The following PPP1R16B variants were observed in gnomAD, a reference collection of about 807,000 sequenced individuals.
The protein encoded by PPP1R16B is protein phosphatase 1 regulatory subunit 16B.
PPP1R16B carries 14 observed loss-of-function variants against 61.7 expected under a neutral mutation model. The observed-to-expected ratio is 0.23, with a 90% CI of 0.15 to 0.35. The LOEUF is 0.35. PPP1R16B is among the 10% of genes least tolerant of loss of function. The probability of loss-of-function intolerance (pLI) is 1.00; values close to 1 mark genes in which losing one functional copy is unlikely to be tolerated. For missense variants in PPP1R16B, 547 were observed against 752.5 expected, an observed-to-expected ratio of 0.73 and a Z score of 3.19; for synonymous variants, 266 against 305.3, an observed-to-expected ratio of 0.87 and a Z score of 1.34.
At chr20:38,848,239 G>A (rs1178375027) in intron 2 of PPP1R16B, among the ~76,000 whole-genome samples, 1 of 151,932 alleles carries the variant, frequency 6.6e-6, no homozygotes. Context: ...TTTCTTCTAG[G>A]GTTTTTTGGC....
At chr20:38,866,950 C>T (rs564890853) in intron 2 of PPP1R16B, among the ~76,000 whole-genome samples, 172 of 152,278 alleles carry the variant, frequency 1.1e-3, no homozygotes, top group Admixed American at 3.7e-3. Context: ...CCCTGGCAGC[C>T]GCTAATCTAC....
intron 10 of PPP1R16B, among the ~76,000 whole-genome samples, chr20:38,908,532 A>G (rs2085464903): frequency 6.6e-6 from 1 of 152,234 alleles, no homozygotes; most frequent in Admixed American, 6.5e-5. Flanking sequence ...ACTTCCAAGG[A>G]GAGAGCTTCA....
intron 2 of PPP1R16B, among the ~76,000 whole-genome samples, chr20:38,874,087 C>T (rs73905695): frequency 1.2e-3 from 176 of 152,304 alleles, no homozygotes; most frequent in African/African-American, 4.2e-3. Context: ...ATTGGTGACA[C>T]ATTAGCCCTG....
intron 2 of PPP1R16B, among the ~76,000 whole-genome samples, chr20:38,884,385 G>A (rs1377828380): frequency 6.6e-6 from 1 of 152,206 alleles, no homozygotes; most frequent in African/African-American, 2.4e-5. Context: ...TTGAAGACCA[G>A]GGGTCTGCAA....
intron 1 of PPP1R16B, among the ~76,000 whole-genome samples, chr20:38,829,843 T>C (rs2084826302): frequency 6.6e-6 from 1 of 152,182 alleles, no homozygotes; most frequent in African/African-American, 2.4e-5. Context: ...TGGGGGAAAC[T>C]AGGTCACCTG....
intron 4 of PPP1R16B, among the ~76,000 whole-genome samples, chr20:38,895,980 CTCCT>C (rs2085339026): frequency 8.5e-6 from 1 of 117,706 alleles, no homozygotes; most frequent in African/African-American, 4.1e-5. Flanking sequence ...CCCTCCCTCC[CTCCT>C]TCCTTCTTTC....
At chr20:38,856,182 T>C (rs2085007934) in intron 2 of PPP1R16B, among the ~76,000 whole-genome samples, 1 of 151,526 alleles carries the variant, frequency 6.6e-6, no homozygotes, top group Non-Finnish European at 1.5e-5. Context: ...TGATGGGAAG[T>C]AGCTGGGGCA....
chr20:38,852,624 G>GGA (rs2084976361), intron 2 of PPP1R16B, among the ~76,000 whole-genome samples: 1 of 152,066 alleles, frequency 6.6e-6, no homozygotes, highest in Non-Finnish European at 1.5e-5. Flanking sequence ...CTTGTCAGGT[G>GGA]CTCAATGGAG....
intron 2 of PPP1R16B, among the ~76,000 whole-genome samples, chr20:38,871,577 A>ATCTCG (rs2085129307): frequency 7.7e-6 from 1 of 129,194 alleles, no homozygotes; most frequent in Non-Finnish European, 1.6e-5. Flanking sequence ...AGTAAGGAAG[A>ATCTCG]GAGGAACGAA....
intron 1 of PPP1R16B, among the ~76,000 whole-genome samples, chr20:38,826,847 G>T: frequency 6.6e-6 from 1 of 152,240 alleles, no homozygotes; most frequent in Non-Finnish European, 1.5e-5. Context: ...TCATGCCATG[G>T]CTGGACTTTG....
chr20:38,850,887 GA>G (rs1250962186), intron 2 of PPP1R16B, among the ~76,000 whole-genome samples: 1 of 150,658 alleles, frequency 6.6e-6, no homozygotes, highest in African/African-American at 2.4e-5. Flanking sequence ...AGAATTGCTT[GA>G]ACACGGGAGG....
At chr20:38,872,477 A>G (rs2085136914) in intron 2 of PPP1R16B, among the ~76,000 whole-genome samples, 1 of 152,192 alleles carries the variant, frequency 6.6e-6, no homozygotes, top group South Asian at 2.1e-4. Flanking sequence ...AGGAAGCTGG[A>G]GACACCATTC....
chr20:38,878,656 G>A (rs1392811672), intron 2 of PPP1R16B, among the ~76,000 whole-genome samples: 2 of 152,110 alleles, frequency 1.3e-5, no homozygotes, highest in Non-Finnish European at 2.9e-5. Flanking sequence ...GTTGTTGTGG[G>A]GATTGAGGCA....
chr20:38,826,482 G>A (rs2084805997), intron 1 of PPP1R16B, among the ~76,000 whole-genome samples: 2 of 152,136 alleles, frequency 1.3e-5, no homozygotes, highest in South Asian at 2.1e-4. Flanking sequence ...GTTCTTGCAG[G>A]GGAAGCTCAG....
chr20:38,907,791 C>T lies in PPP1R16B; in HGVS notation c.899-15C>T, dbSNP rs2085456260. ...CTGGCCCCGTCCCCCACAACAGACT[C>T]CTCTGCCCCTTCAGACCTGTGCGAG... On this transcript the variant is annotated splice_polypyrimidine_tract_variant and intron_variant, in intron 8 of 10. Coordinates refer to ENST00000299824, the MANE Select transcript of PPP1R16B (RefSeq NM_015568.4). This position sits in a 1 kb window ranked among gnomAD's most constrained non-coding sequence, Gnocchi z 4.5. 1 of 1,613,892 alleles carries T rather than the reference C, an allele frequency of 6.2e-7. No homozygotes were observed. The highest frequency in any genetic ancestry group is 1.1e-5 in the South Asian group (1 of 90,990).
chr20:38,882,076 C>T (rs754676329), intron 2 of PPP1R16B, among the ~76,000 whole-genome samples: 2 of 152,298 alleles, frequency 1.3e-5, no homozygotes, highest in Non-Finnish European at 1.5e-5. Flanking sequence ...GGTTACTTAT[C>T]CTCGTAACTG....
At chr20:38,916,912 A>G (rs1191550114) in intron 10 of PPP1R16B, among the ~76,000 whole-genome samples, 1 of 151,836 alleles carries the variant, frequency 6.6e-6, no homozygotes, top group Non-Finnish European at 1.5e-5. Context: ...GATGAATATT[A>G]TTCCAATGCC....
At position 38,920,146 on chromosome 20, in the gene PPP1R16B, G is replaced by A. The variant is rs1354052272; in HGVS notation, c.*1480G>A. ...GTCCCAGCCTTCCTGGTGCTGGGGAGGGAGGACTGTGAATGGCTGTTCTCC... is the reference window on the plus strand; with the variant it reads ...GTCCCAGCCTTCCTGGTGCTGGGGAAGGAGGACTGTGAATGGCTGTTCTCC... On this transcript the variant is annotated 3_prime_UTR_variant, in exon 11 of 11. Transcript: ENST00000299824. The A allele has an allele frequency of 6.5e-6, 1 of 152,778 alleles. No homozygotes were observed. Among genetic ancestry groups the A allele is most frequent in the Non-Finnish European group, 1.5e-5 (1 of 68,174 alleles). 9.5% of individuals were successfully genotyped at this position (152,778 alleles called of 1,614,324 possible). A position where few individuals can be genotyped will look rare whatever the true frequency, so the allele number is the denominator to read the frequency against.
At chr20:38,816,236 C>T (rs1205033549) in intron 1 of PPP1R16B, among the ~76,000 whole-genome samples, 1 of 152,178 alleles carries the variant, frequency 6.6e-6, no homozygotes, top group Non-Finnish European at 1.5e-5. Flanking sequence ...GGAAACCCAG[C>T]TGAGTTTGCA....
Sources: gnomAD v4.1 joint callset for allele counts (sites outside exome capture counted in the v4.1 genomes callset) on GRCh38, gnomAD v4.1.1 for gene constraint, Gnocchi (gnomAD v3.1) non-coding constraint, MANE v1.5 for transcripts, NCBI Gene and HGNC (gene_info 2026-07-23, HGNC 2026-07-21) for gene names.